The following CAPN15 variants were observed in gnomAD, a reference collection of about 807,000 sequenced individuals.
CAPN15 encodes calpain-15.
A neutral mutation model predicts 97.9 loss-of-function variants in CAPN15; 53 were observed. That is an observed-to-expected ratio of 0.54 (90% CI 0.43 to 0.68). CAPN15 has a LOEUF of 0.68. Among genes scored for constraint, CAPN15 ranks in the 30% least tolerant of loss-of-function variants. The probability of loss-of-function intolerance (pLI) is 0.00; values close to 1 mark genes in which losing one functional copy is unlikely to be tolerated. For synonymous variants in CAPN15, 922 were observed against 722.5 expected, an observed-to-expected ratio of 1.28 and a Z score of -4.43; for missense variants, 1,592 against 1,589.8, an observed-to-expected ratio of 1.00 and a Z score of -0.02.
At chr16:550,999 G>C (rs1326510501) in intron 7 of CAPN15, among the ~76,000 whole-genome samples, 2 of 138,608 alleles carry the variant, frequency 1.4e-5, no homozygotes, top group African/African-American at 5.6e-5. Flanking sequence ...GGTCCCGGTC[G>C]GTGAGGGTCC....
intron 7 of CAPN15, among the ~76,000 whole-genome samples, chr16:550,602 C>G (rs76049115): frequency 0.079 from 11,705 of 148,304 alleles, 1,515 homozygotes; most frequent in African/African-American, 0.27. Flanking sequence ...GAGGGCCCCA[C>G]TCAGCCATGC....
chr16:543,833 G>C (rs1235761533), intron 3 of CAPN15, among the ~76,000 whole-genome samples: 1 of 152,156 alleles, frequency 6.6e-6, no homozygotes, highest in African/African-American at 2.4e-5. Context: ...CTGAAGAGCT[G>C]CCTGCCTGGC....
rs778327425 is a variant in CAPN15 at position 552,827 on chromosome 16, C to G, written c.2905-36C>G. The G allele has an allele frequency of 3.2e-6, 5 of 1,567,160 alleles. No individual in the cohort carries two copies. The highest frequency in any genetic ancestry group is 2.3e-5 in the East Asian group (1 of 43,746). Reference sequence around the variant, plus strand: ...GGGGCAGGGGGAGTATGCCCCAGCACCTCCCCTGCCCCACAACTGCCATTC... The same window carrying G: ...GGGGCAGGGGGAGTATGCCCCAGCAGCTCCCCTGCCCCACAACTGCCATTC... On this transcript the variant is annotated intron_variant, in intron 12 of 13. Coordinates refer to ENST00000219611, the MANE Select transcript of CAPN15 (RefSeq NM_005632.3). The surrounding 1 kb of genome is among the most constrained non-coding windows in gnomAD (Gnocchi z 6.4).
In CAPN15 at chr16:553,011, G is replaced by A. The variant is rs144469520; in HGVS notation, c.3053G>A (p.Arg1018His). Residue 1018 changes from arginine to histidine, a missense_variant, in exon 13 of 14, where the codon CGT becomes CAT. Arg to His is a conservative substitution (Grantham distance 29). Around this residue, in one of 3 missense-constraint regions of CAPN15, gnomAD observed 644 missense variants for 699.6 expected, o/e 0.92. Coordinates refer to ENST00000219611, the MANE Select transcript of CAPN15 (RefSeq NM_005632.3). ...GTGGTGTCCACACGCGGCAGCCTGC[G>A]TACCCAGGATAGCGTGCCACCCCTG... The part of the protein sequence containing the change: ...FNVVSTRGSL[R>H]TQDSVPPLHR... 153 of 1,607,308 alleles carry A rather than the reference G, an allele frequency of 9.5e-5. No homozygotes were observed. Among genetic ancestry groups the A allele is most frequent in the Middle Eastern group, 1.7e-4 (1 of 5,960 alleles).
Position 552,844 on chromosome 16 carries a change from C to G in CAPN15, c.2905-19C>G. On this transcript the variant is annotated intron_variant, in intron 12 of 13. Coordinates refer to ENST00000219611, the MANE Select transcript of CAPN15 (RefSeq NM_005632.3). This position sits in a 1 kb window ranked among gnomAD's most constrained non-coding sequence, Gnocchi z 6.4. ...CCCCAGCACCTCCCCTGCCCCACAA[C>G]TGCCATTCCTGTGCCCAGGGCCGTG... The G allele has an allele frequency of 2.5e-6, 4 of 1,579,254 alleles. No homozygotes were observed. Among genetic ancestry groups the G allele is most frequent in the Non-Finnish European group, 3.5e-6 (4 of 1,158,408 alleles).
In CAPN15 at chr16:552,800, G is replaced by A. The variant is rs367561922; in HGVS notation, c.2904+29G>A. On this transcript the variant is annotated intron_variant, in intron 12 of 13. Coordinates refer to ENST00000219611, the MANE Select transcript of CAPN15 (RefSeq NM_005632.3). This position sits in a 1 kb window ranked among gnomAD's most constrained non-coding sequence, Gnocchi z 6.4. ...GGTGGGGGTCCCGGGGGAGGGTGGC[G>A]TGGGGCAGGGGGAGTATGCCCCAGC... 1.1e-4 allele frequency: 161 copies of A among 1,525,938 alleles called. No homozygotes were observed. The highest frequency in any genetic ancestry group is 1.2e-4 in the Non-Finnish European group (139 of 1,134,966). The allele number at this position is 1,525,938 out of a possible 1,614,324, so 94.5% of individuals were successfully genotyped here.
chr16:539,852 C>G (rs1341126572), intron 3 of CAPN15: 1 of 152,510 alleles, frequency 6.6e-6, no homozygotes, highest in African/African-American at 2.4e-5. Flanking sequence ...TAAAACGTCT[C>G]TGAATACCAC....
intron 3 of CAPN15, among the ~76,000 whole-genome samples, chr16:542,665 G>A (rs915306352): frequency 1.9e-4 from 29 of 152,190 alleles, no homozygotes; most frequent in African/African-American, 6.5e-4. Flanking sequence ...ACAGCTCACT[G>A]CAGCTTCTAC....
Position 553,843 on chromosome 16 carries a change from T to G in CAPN15, c.*327T>G. On this transcript the variant is annotated 3_prime_UTR_variant, in exon 14 of 14. Transcript: ENST00000219611. ...CCCTCCCTGTGGGCTCAGGGTCTCC[T>G]GCGGGCTAGGCAGCCAGGAGCTCTG... The G allele has an allele frequency of 3.9e-6, 1 of 259,414 alleles. No individual in the cohort carries two copies. Among genetic ancestry groups the G allele is most frequent in the Non-Finnish European group, 7.4e-6 (1 of 135,998 alleles). 16.1% of individuals were successfully genotyped at this position (259,414 alleles called of 1,614,324 possible).
intron 4 of CAPN15, among the ~76,000 whole-genome samples, chr16:548,507 G>A (rs1450872982): frequency 2.0e-5 from 3 of 152,204 alleles, no homozygotes; most frequent in Admixed American, 6.5e-5. Context: ...CGAGATGCAC[G>A]ACCTTCACCC....
At chr16:548,839 A>G (rs2034792804) in intron 4 of CAPN15, among the ~76,000 whole-genome samples, 154 bp from the exon 5 acceptor site, 1 of 152,238 alleles carries the variant, frequency 6.6e-6, no homozygotes, top group South Asian at 2.1e-4. Context: ...TCCTCGACAC[A>G]GGGCCGGCGC....
In CAPN15 at chr16:527,781, G is replaced by A. The variant is rs1361425192; in HGVS notation, c.-438G>A. The A allele has an allele frequency of 2.0e-5, 3 of 149,402 alleles. No homozygotes were observed. Among genetic ancestry groups the A allele is most frequent in the Non-Finnish European group, 4.5e-5 (3 of 67,012 alleles). 9.3% of individuals were successfully genotyped at this position (149,402 alleles called of 1,614,324 possible). Reference sequence around the variant, plus strand: ...CGCCGTAGCCGCGGGGCCCGGGCCGGGCGCTACGCTACGAAGGCAGCGTAA... The same window carrying A: ...CGCCGTAGCCGCGGGGCCCGGGCCGAGCGCTACGCTACGAAGGCAGCGTAA... On this transcript the variant is annotated 5_prime_UTR_variant, in exon 1 of 14. Transcript: ENST00000219611.
chr16:533,909 G>A lies in CAPN15; in HGVS notation c.-189-37G>A, dbSNP rs563388786. Reference sequence around the variant, plus strand: ...TTCCAGGGTCAGAGTCCTCCTGGTGGAAGCTGAGGTGCCTGATTAAATGCC... The same window carrying A: ...TTCCAGGGTCAGAGTCCTCCTGGTGAAAGCTGAGGTGCCTGATTAAATGCC... On this transcript the variant is annotated intron_variant, in intron 1 of 13. Transcript: ENST00000219611. The A allele has an allele frequency of 5.0e-5, 49 of 976,832 alleles. 1 individual carries two copies. In the Admixed American group the frequency reaches 2.9e-3, roughly 58 times the overall value. 60.5% of individuals were successfully genotyped at this position (976,832 alleles called of 1,614,324 possible). A position where few individuals can be genotyped will look rare whatever the true frequency, so the allele number is the denominator to read the frequency against.
Position 535,692 on chromosome 16 carries a change from C to G in CAPN15, c.-136-337C>G, listed in dbSNP as rs1481712568. Among the ~76,000 whole-genome samples, 7 of 152,258 alleles carry G rather than the reference C, an allele frequency of 4.6e-5. No homozygotes were observed. Among genetic ancestry groups the G allele is most frequent in the African/African-American group, 1.4e-4 (6 of 41,562 alleles). On this transcript the variant is annotated intron_variant, in intron 2 of 13. Coordinates refer to ENST00000219611, the MANE Select transcript of CAPN15 (RefSeq NM_005632.3). This position sits in a 1 kb window ranked among gnomAD's most constrained non-coding sequence, Gnocchi z 6.2. ...AGAGGCGGGCGTGGCTGCAGCCTGG[C>G]TCTGTGGCAGTCATGAGTCACGGCC... is the stretch of plus-strand genomic sequence containing the variant.
chr16:553,860 G>A lies in CAPN15; in HGVS notation c.*344G>A. 4.2e-6 allele frequency: 1 copy of A among 240,768 alleles called. No homozygotes were observed. Among genetic ancestry groups the A allele is most frequent in the South Asian group, 1.1e-4 (1 of 8,862 alleles). The allele number at this position is 240,768 out of a possible 1,614,324, so 14.9% of individuals were successfully genotyped here. On this transcript the variant is annotated 3_prime_UTR_variant, in exon 14 of 14. Coordinates refer to ENST00000219611, the MANE Select transcript of CAPN15 (RefSeq NM_005632.3). ...GGGTCTCCTGCGGGCTAGGCAGCCAGGAGCTCTGTCCGCAAAACCAAATCT... is the reference window on the plus strand; with the variant it reads ...GGGTCTCCTGCGGGCTAGGCAGCCAAGAGCTCTGTCCGCAAAACCAAATCT...
rs760208625 is a variant in CAPN15, at chr16:553,410, G to A, written c.3155G>A (p.Arg1052His). Residue 1052 changes from arginine to histidine, a missense_variant, in exon 14 of 14, where the codon CGC becomes CAC. Arg to His is a conservative substitution (Grantham distance 29). Around this residue, in one of 3 missense-constraint regions of CAPN15, gnomAD observed 644 missense variants for 699.6 expected, o/e 0.92. Transcript: ENST00000219611. ...TCTATCACCCACCGCCTGGCACATCGCAAGGCAGCCCAGGCCTTCCTCAGT... is the reference window on the plus strand; with the variant it reads ...TCTATCACCCACCGCCTGGCACATCACAAGGCAGCCCAGGCCTTCCTCAGT... ...GFSITHRLAHRKAAQAFLSDW... is the reference protein window; with the variant it reads ...GFSITHRLAHHKAAQAFLSDW... 35 of 1,609,402 alleles carry A rather than the reference G, an allele frequency of 2.2e-5. No individual in the cohort carries two copies. The highest frequency in any genetic ancestry group is 2.6e-5 in the Non-Finnish European group (31 of 1,179,014).
At chr16:533,647 G>C (rs1446505728) in intron 1 of CAPN15, among the ~76,000 whole-genome samples, 1 of 152,294 alleles carries the variant, frequency 6.6e-6, no homozygotes, top group Admixed American at 6.5e-5. Flanking sequence ...ACAGGATCTT[G>C]AATGGCCCTG....
intron 1 of CAPN15, among the ~76,000 whole-genome samples, chr16:532,013 G>T (rs1255762998): frequency 6.6e-6 from 1 of 152,156 alleles, no homozygotes; most frequent in Admixed American, 6.5e-5. Context: ...GCCGAGGCAG[G>T]TGGGTTGCCT....
chr16:531,058 A>G (rs188253996), intron 1 of CAPN15, among the ~76,000 whole-genome samples: 1,757 of 152,348 alleles, frequency 0.012, 10 homozygotes, highest in Non-Finnish European at 0.019. Context: ...AGGAGGACGC[A>G]GGGCCATCGC....
Sources: gnomAD v4.1 joint callset for allele counts (sites outside exome capture counted in the v4.1 genomes callset) on GRCh38, gnomAD v4.1.1 for gene constraint, gnomAD v4.1.1 regional missense constraint, Gnocchi (gnomAD v3.1) non-coding constraint, MANE v1.5 for transcripts, NCBI Gene and HGNC (gene_info 2026-07-23, HGNC 2026-07-21) for gene names.